Variants in FAM135B observed in about 807,000 individuals in gnomAD.
The protein encoded by FAM135B is family with sequence similarity 135 member B, also known as protein FAM135B.
In FAM135B, 43 loss-of-function variants were observed where a neutral mutation model predicts 127.7. The ratio of observed to expected loss-of-function variants is 0.34; its 90% confidence interval spans 0.26 to 0.43. The LOEUF is 0.43. Ranked by LOEUF, FAM135B falls within the 20% of genes least tolerant of loss-of-function variation. The pLI is 1.00. For synonymous variants in FAM135B, 670 were observed against 665.1 expected (o/e 1.01, Z -0.11); for missense variants, 1,558 against 1,725.6 (o/e 0.90, Z 1.72).
At chr8:138,308,970 T>C in intron 3 of FAM135B, 1 of 454,134 alleles carries the variant, frequency 2.2e-6, no homozygotes, top group Admixed American at 2.4e-5. Flanking sequence ...TGACCACAGG[T>C]AGGACTAACT....
At chr8:138,280,819 G>A (rs951906196) in intron 3 of FAM135B, among the ~76,000 whole-genome samples, 2 of 152,114 alleles carry the variant, frequency 1.3e-5, no homozygotes, top group African/African-American at 2.4e-5. Flanking sequence ...TCTCCCCAAG[G>A]GAAAGTGACA....
chr8:138,237,150 ATT>A (rs10604150), intron 7 of FAM135B, among the ~76,000 whole-genome samples: 2,637 of 101,426 alleles, frequency 0.026, 33 homozygotes, highest in Admixed American at 0.053. Flanking sequence ...TGGATCCTTG[ATT>A]TTTTTTTTTT....
intron 11 of FAM135B, among the ~76,000 whole-genome samples, chr8:138,169,661 A>G (rs1021475984): frequency 3.9e-5 from 6 of 152,090 alleles, no homozygotes; most frequent in Non-Finnish European, 8.8e-5. Context: ...TGAATCTGGA[A>G]CTTCTGGACC....
At chr8:138,455,175 C>G (rs1310983926) in intron 1 of FAM135B, among the ~76,000 whole-genome samples, 4 of 152,132 alleles carry the variant, frequency 2.6e-5, no homozygotes, top group Non-Finnish European at 4.4e-5. Flanking sequence ...ATGTTGCTGG[C>G]ACATAGGACC....
chr8:138,178,441 G>T, intron 10 of FAM135B, 94 bp downstream of exon 10: 2 of 1,450,962 alleles, frequency 1.4e-6, no homozygotes, highest in Middle Eastern at 2.5e-4. Flanking sequence ...AAGATCTAGA[G>T]GCCAATCCTA....
At chr8:138,148,714 C>T (rs2130696008) in intron 13 of FAM135B, 28 bp from the exon 14 acceptor site, 2 of 1,559,470 alleles carry the variant, frequency 1.3e-6, no homozygotes, top group Admixed American at 1.7e-5. Flanking sequence ...TAATCACAAG[C>T]CAAGCTGTGT....
chr8:138,293,623 T>G (rs1296621530), intron 3 of FAM135B, among the ~76,000 whole-genome samples: 1 of 151,960 alleles, frequency 6.6e-6, no homozygotes, highest in Non-Finnish European at 1.5e-5. Flanking sequence ...GATACACAAA[T>G]GGCCAACGAA....
At chr8:138,466,067 C>T (rs111912153) in intron 1 of FAM135B, among the ~76,000 whole-genome samples, 4,279 of 152,278 alleles carry the variant, frequency 0.028, 156 homozygotes, top group African/African-American at 0.082. Context: ...TGAGCCACTG[C>T]GCCTGGTCTC....
chr8:138,466,119 G>T (rs977805524), intron 1 of FAM135B, among the ~76,000 whole-genome samples: 2 of 152,156 alleles, frequency 1.3e-5, no homozygotes, highest in Admixed American at 1.3e-4. Flanking sequence ...AGCCTGGACA[G>T]TATGTTCTTC....
intron 11 of FAM135B, among the ~76,000 whole-genome samples, chr8:138,170,973 T>C (rs955171018): frequency 6.6e-6 from 1 of 152,198 alleles, no homozygotes; most frequent in South Asian, 2.1e-4. Flanking sequence ...TCTCCAGCTC[T>C]TGGACTCTGG....
chr8:138,338,055 C>T (rs890986768), intron 2 of FAM135B, among the ~76,000 whole-genome samples: 11 of 152,238 alleles, frequency 7.2e-5, no homozygotes, highest in Admixed American at 6.5e-5. Flanking sequence ...TGGCTAGCCA[C>T]ATGTAGAAAG....
chr8:138,434,036 T>C (rs1202895080), intron 1 of FAM135B, among the ~76,000 whole-genome samples: 3 of 152,194 alleles, frequency 2.0e-5, no homozygotes, highest in African/African-American at 7.2e-5. Flanking sequence ...AAAGCAGCAT[T>C]GACATTGCCC....
intron 1 of FAM135B, among the ~76,000 whole-genome samples, chr8:138,421,492 A>G (rs555339309): frequency 1.4e-3 from 210 of 152,298 alleles, no homozygotes; most frequent in African/African-American, 4.9e-3. Context: ...ATACATAATT[A>G]ATGTCTAAGC....
chr8:138,329,745 G>T (rs1828040097), intron 2 of FAM135B, among the ~76,000 whole-genome samples: 1 of 152,114 alleles, frequency 6.6e-6, no homozygotes, highest in South Asian at 2.1e-4. Context: ...GTAGGTGGGA[G>T]AACTCAGTCC....
chr8:138,460,842 G>A (rs1837080905), intron 1 of FAM135B, among the ~76,000 whole-genome samples: 1 of 152,110 alleles, frequency 6.6e-6, no homozygotes, highest in Non-Finnish European at 1.5e-5. Context: ...TGACAACAAG[G>A]CAATAGCTAA....
chr8:138,195,043 T>C (rs2131108853), intron 9 of FAM135B, among the ~76,000 whole-genome samples: 1 of 152,358 alleles, frequency 6.6e-6, no homozygotes, highest in South Asian at 2.1e-4. Flanking sequence ...TCTGTTAACA[T>C]GTTTAGTTTT....
chr8:138,188,838 C>T (rs11992548), intron 9 of FAM135B, among the ~76,000 whole-genome samples: 6,065 of 152,174 alleles, frequency 0.04, 250 homozygotes, highest in African/African-American at 0.1. Context: ...TCTCTCAGGT[C>T]CACTGGAGTC....
intron 1 of FAM135B, among the ~76,000 whole-genome samples, chr8:138,412,582 C>T (rs1010166135): frequency 6.6e-6 from 1 of 152,168 alleles, no homozygotes; most frequent in Non-Finnish European, 1.5e-5. Flanking sequence ...TCTGGTCCGA[C>T]TTTGCTTCTG....
intron 6 of FAM135B, among the ~76,000 whole-genome samples, chr8:138,249,194 C>T (rs1338392599): frequency 2.0e-5 from 3 of 152,136 alleles, no homozygotes; most frequent in Non-Finnish European, 4.4e-5. Flanking sequence ...ATTTGCCAAG[C>T]CTTGGAGTGC....
Sources: gnomAD v4.1 joint callset for allele counts (sites outside exome capture counted in the v4.1 genomes callset) on GRCh38, gnomAD v4.1.1 for gene constraint, MANE v1.5 for transcripts, NCBI Gene and HGNC (gene_info 2026-07-23, HGNC 2026-07-21) for gene names.